The following UBE4B variants were observed in gnomAD, a reference collection of about 807,000 sequenced individuals.
The protein encoded by UBE4B is ubiquitin conjugation factor E4 B.
A neutral mutation model predicts 148.1 loss-of-function variants in UBE4B; 27 were observed. That is an observed-to-expected ratio of 0.18 (90% CI 0.13 to 0.25). The LOEUF is 0.25. UBE4B is among the 10% of genes least tolerant of loss of function. UBE4B has a pLI of 1.00. For synonymous variants in UBE4B, 596 were observed against 619.3 expected, an observed-to-expected ratio of 0.96 and a Z score of 0.56; for missense variants, 1,170 against 1,662.4, an observed-to-expected ratio of 0.70 and a Z score of 5.15.
chr1:10,103,626 G>GTTTTTTTTTTTTTTTTTTTT (rs1279924321), intron 5 of UBE4B, among the ~76,000 whole-genome samples: 5 of 117,080 alleles, frequency 4.3e-5, no homozygotes, highest in African/African-American at 6.4e-5. Context: ...TGTTTGTTTT[G>GTTTTTTTTTTTTTTTTTTTT]TTTTTGTTTT....
chr1:10,068,775 T>C (rs1644433732), intron 1 of UBE4B, among the ~76,000 whole-genome samples: 1 of 152,194 alleles, frequency 6.6e-6, no homozygotes, highest in Non-Finnish European at 1.5e-5. Flanking sequence ...TCCCAGGGCC[T>C]CAGGTTGCTA....
At chr1:10,113,417 C>A (rs2101907652) in intron 7 of UBE4B, among the ~76,000 whole-genome samples, 1 of 152,344 alleles carries the variant, frequency 6.6e-6, no homozygotes, top group Admixed American at 6.5e-5. Context: ...CCATATCAAT[C>A]ACCAAAACAC....
At chr1:10,169,499 C>T (rs1008700158) in intron 24 of UBE4B, among the ~76,000 whole-genome samples, 1 of 152,196 alleles carries the variant, frequency 6.6e-6, no homozygotes, top group African/African-American at 2.4e-5. Flanking sequence ...GAACACGAAA[C>T]AAAACAGCTC....
rs775406556 is a variant in UBE4B, at chr1:10,117,550, C to T, written c.1288C>T (p.Leu430Phe). Residue 430 changes from leucine to phenylalanine, a missense_variant, in exon 8 of 28, where the codon CTC becomes TTC. Physicochemically the swap from Leu to Phe is conservative, Grantham distance 22. Around this residue, in one of 6 missense-constraint regions of UBE4B, gnomAD observed 388 missense variants for 536.0 expected, o/e 0.72. Coordinates refer to ENST00000343090, the MANE Select transcript of UBE4B (RefSeq NM_001105562.3). ...CAAAGAGACAGATATGCTGAACTAC[C>T]TCATCGAGTGTTTCGACCGAGTTGG... ...TCKETDMLNY[L>F]IECFDRVGIE... is the part of the protein sequence containing the mutation. The T allele has an allele frequency of 1.2e-6, 2 of 1,610,408 alleles. No homozygotes were observed. The highest frequency in any genetic ancestry group is 1.7e-6 in the Non-Finnish European group (2 of 1,178,936).
At chr1:10,096,447 T>A (rs1249343998) in intron 3 of UBE4B, among the ~76,000 whole-genome samples, 1 of 152,100 alleles carries the variant, frequency 6.6e-6, no homozygotes, top group Non-Finnish European at 1.5e-5. Flanking sequence ...AGAGGGGAAT[T>A]AAGTCCGGGC....
At position 10,130,779 on chromosome 1, in the gene UBE4B, G is replaced by A. The variant is rs200835267; in HGVS notation, c.1877G>A (p.Ser626Asn). The A allele has an allele frequency of 1.6e-4, 256 of 1,614,042 alleles. 1 individual carries two copies. Among genetic ancestry groups the A allele is most frequent in the Admixed American group, 2.5e-4 (15 of 59,998 alleles). ...ACCCTGGAAAACACTCGTGTGGTTAGCCAATCATTGCAGCATTACTTAGAG... is the reference window on the plus strand; with the variant it reads ...ACCCTGGAAAACACTCGTGTGGTTAACCAATCATTGCAGCATTACTTAGAG... Reference protein sequence around the residue: ...AITLENTRVVSQSLQHYLELG... With the variant: ...AITLENTRVVNQSLQHYLELG... The change falls in exon 14 of 28, where the codon AGC (serine) becomes AAC (asparagine). Residue 626 changes from serine to asparagine, a missense_variant. By Grantham distance (46) the Ser-to-Asn change is conservative. Coordinates refer to ENST00000343090, the MANE Select transcript of UBE4B (RefSeq NM_001105562.3).
chr1:10,035,969 C>G lies in UBE4B; in HGVS notation c.24+2275C>G, dbSNP rs1043515696. Among the ~76,000 whole-genome samples, 5 of 140,474 alleles carry G rather than the reference C, an allele frequency of 3.6e-5. 1 individual carries two copies. The South Asian group carries it at 1.1e-3, about 32-fold the overall frequency. The allele number at this position is 140,474 out of a possible 152,430, so 92.2% of individuals were successfully genotyped here. A position where few individuals can be genotyped will look rare whatever the true frequency, so the allele number is the denominator to read the frequency against. On this transcript the variant is annotated intron_variant, in intron 1 of 27. Transcript: ENST00000343090. The stretch of plus-strand genomic sequence containing the variant: ...CGTGTTAGCCCAGGATGGTCTCAAT[C>G]TCCTGACCTCGTGATCCGCCCGCCT...
intron 9 of UBE4B, among the ~76,000 whole-genome samples, chr1:10,120,455 G>A (rs990431085): frequency 6.6e-6 from 1 of 152,224 alleles, no homozygotes; most frequent in African/African-American, 2.4e-5. Flanking sequence ...CCCAGGAGGT[G>A]GAGGTTGCAG....
At chr1:10,099,979 A>T (rs1206812696) in intron 3 of UBE4B, among the ~76,000 whole-genome samples, 1 of 151,840 alleles carries the variant, frequency 6.6e-6, no homozygotes, top group Non-Finnish European at 1.5e-5. Flanking sequence ...TTCTTAATTA[A>T]ATTTTTTATT....
chr1:10,129,600 T>A (rs112063136), intron 12 of UBE4B, 152 bp downstream of exon 12: 1 of 644,250 alleles, frequency 1.6e-6, no homozygotes, highest in African/African-American at 1.8e-5. Flanking sequence ...AACTGTTACA[T>A]TTTTGTTAGA....
intron 27 of UBE4B, 144 bp from the exon 28 acceptor site, chr1:10,179,751 C>G: frequency 7.5e-7 from 1 of 1,336,912 alleles, no homozygotes; most frequent in African/African-American, 1.4e-5. Flanking sequence ...GTCCCTCCCT[C>G]TCATGTCCCA....
In UBE4B at chr1:10,060,735, A is replaced by G. The variant is rs7524177; in HGVS notation, c.25-11293A>G. Among the ~76,000 whole-genome samples, 1,223 of 152,042 alleles carry G rather than the reference A, an allele frequency of 8.0e-3. 13 individuals are homozygous for G. Among genetic ancestry groups the G allele is most frequent in the African/African-American group, 0.027 (1,124 of 41,462 alleles). On this transcript the variant is annotated intron_variant, in intron 1 of 27. Transcript: ENST00000343090. ...GGTTCATTTTGCTGTGTATTTTAGA[A>G]TCCCTAGTGAGCTAGTGAGATTCTG...
intron 12 of UBE4B, among the ~76,000 whole-genome samples, chr1:10,130,067 C>T (rs1035597215): frequency 6.6e-6 from 1 of 151,812 alleles, no homozygotes; most frequent in Non-Finnish European, 1.5e-5. Context: ...CAATAGTATC[C>T]TGAAACTTAA....
Position 10,117,585 on chromosome 1 carries a change from A to G in UBE4B, c.1323A>G (p.Glu441=), listed in dbSNP as rs1441581849. 6.3e-7 allele frequency: 1 copy of G among 1,582,876 alleles called. No homozygotes were observed. The highest frequency in any genetic ancestry group is 8.5e-7 in the Non-Finnish European group (1 of 1,172,028). Residue 441 remains glutamate, a synonymous_variant, in exon 8 of 28, where the codon GAA becomes GAG. Coordinates refer to ENST00000343090, the MANE Select transcript of UBE4B (RefSeq NM_001105562.3). ...GTTTCGACCGAGTTGGAATAGAGGA[A>G]AAAAAAGCACCAAAGGTAATATGAA... is the stretch of plus-strand genomic sequence containing the variant. ...IECFDRVGIE[E]KKAPKMCSQP... is the part of the protein sequence containing the mutation.
At chr1:10,165,291 C>A (rs1646229844) in intron 23 of UBE4B, among the ~76,000 whole-genome samples, 1 of 152,150 alleles carries the variant, frequency 6.6e-6, no homozygotes, top group Admixed American at 6.5e-5. Context: ...CTCTTGATTT[C>A]TCTGCGTCTC....
At chr1:10,175,681 G>GA (rs1173598495) in intron 25 of UBE4B, among the ~76,000 whole-genome samples, 1 of 151,720 alleles carries the variant, frequency 6.6e-6, no homozygotes, top group Non-Finnish European at 1.5e-5. Flanking sequence ...AAATAAAAAA[G>GA]AAAATAAAAA....
intron 1 of UBE4B, among the ~76,000 whole-genome samples, chr1:10,038,418 GTGCCAGGCAC>G (rs1237547868): frequency 1.3e-5 from 2 of 152,162 alleles, no homozygotes; most frequent in African/African-American, 4.8e-5. Context: ...AGCCTCTTCT[GTGCCAGGCAC>G]TTGATAGCTG....
intron 1 of UBE4B, among the ~76,000 whole-genome samples, chr1:10,053,162 A>T (rs1644085671): frequency 6.6e-6 from 1 of 151,454 alleles, no homozygotes; most frequent in Non-Finnish European, 1.5e-5. Flanking sequence ...TTATTTATTT[A>T]TTTTGAGTCG....
At chr1:10,109,339 T>C (rs1645177262) in intron 7 of UBE4B, among the ~76,000 whole-genome samples, 1 of 152,170 alleles carries the variant, frequency 6.6e-6, no homozygotes, top group Non-Finnish European at 1.5e-5. Flanking sequence ...CAAATAGGTC[T>C]TGTTTGTTCT....
Sources: gnomAD v4.1 joint callset for allele counts (sites outside exome capture counted in the v4.1 genomes callset) on GRCh38, gnomAD v4.1.1 for gene constraint, gnomAD v4.1.1 regional missense constraint, MANE v1.5 for transcripts, NCBI Gene and HGNC (gene_info 2026-07-23, HGNC 2026-07-21) for gene names.